The following FGD6 variants were observed in gnomAD, a reference collection of about 807,000 sequenced individuals.
The protein encoded by FGD6 is FYVE, RhoGEF and PH domain containing 6, also known as FYVE, RhoGEF and PH domain-containing protein 6.
FGD6 carries 90 observed loss-of-function variants against 149.4 expected under a neutral mutation model. That is an observed-to-expected ratio of 0.60 (90% confidence interval 0.51 to 0.72). The LOEUF (loss-of-function observed/expected upper bound fraction) is 0.72. Among genes scored for constraint, FGD6 ranks in the 30% least tolerant of loss-of-function variants. The probability of loss-of-function intolerance (pLI) is 0.00; values close to 1 mark genes in which losing one functional copy is unlikely to be tolerated. For missense variants in FGD6, 1,437 were observed against 1,684.8 expected (o/e 0.85, Z 2.57); for synonymous variants, 527 against 584.0 (o/e 0.90, Z 1.41).
chr12:95,200,946 C>T (rs995895258), intron 2 of FGD6, among the ~76,000 whole-genome samples: 5 of 151,426 alleles, frequency 3.3e-5, no homozygotes, highest in Non-Finnish European at 2.9e-5. Flanking sequence ...TGCTATAACA[C>T]GAACTGTTCT....
chr12:95,094,575 AAAG>A lies in FGD6; in HGVS notation c.3600+14_3600+16del. 3 of 1,557,280 alleles carry A rather than the reference AAAG, an allele frequency of 1.9e-6. No homozygotes were observed. Among genetic ancestry groups the A allele is most frequent in the Admixed American group, 2.0e-5 (1 of 49,836 alleles). On this transcript the variant is annotated intron_variant, in intron 15 of 20. Transcript: ENST00000343958. The stretch of plus-strand genomic sequence containing the variant: ...TTGAAATGCACTGGAAAAAAAAAAA[AAAG>A]GAGAAAACAATACCTCATCAAGACT...
intron 5 of FGD6, among the ~76,000 whole-genome samples, chr12:95,143,991 C>A (rs1879933666): frequency 6.6e-6 from 1 of 152,160 alleles, no homozygotes; most frequent in South Asian, 2.1e-4. Flanking sequence ...ATTTCCTCTG[C>A]CATGACAGTG....
intron 2 of FGD6, among the ~76,000 whole-genome samples, chr12:95,205,118 A>G (rs1176547844): frequency 1.3e-5 from 2 of 152,020 alleles, no homozygotes; most frequent in East Asian, 3.9e-4. Flanking sequence ...AAATACAAAA[A>G]TTAGATGGGT....
intron 17 of FGD6, among the ~76,000 whole-genome samples, chr12:95,091,135 G>A (rs934013426): frequency 2.0e-5 from 3 of 152,116 alleles, no homozygotes; most frequent in Non-Finnish European, 4.4e-5. Flanking sequence ...CAGGTTTCAG[G>A]AATTTAACTA....
chr12:95,216,108 A>G (rs574261845), intron 1 of FGD6, among the ~76,000 whole-genome samples: 10 of 152,362 alleles, frequency 6.6e-5, no homozygotes, highest in African/African-American at 2.2e-4. Context: ...TTCTTTTCCT[A>G]TTGGCTAACT....
At chr12:95,118,465 T>C (rs1198636079) in intron 8 of FGD6, among the ~76,000 whole-genome samples, 4 of 152,136 alleles carry the variant, frequency 2.6e-5, no homozygotes, top group East Asian at 1.9e-4. Flanking sequence ...CCACCACTCA[T>C]TGATTACCTA....
chr12:95,089,580 C>T lies in FGD6; in HGVS notation c.3967G>A (p.Ala1323Thr). The change falls in exon 18 of 21, where the codon GCT becomes ACT. Residue 1323 changes from alanine to threonine, a missense_variant. Ala to Thr is a moderately conservative substitution (Grantham distance 58). Around this residue, in one of 2 missense-constraint regions of FGD6, gnomAD observed 382 missense variants for 538.7 expected, o/e 0.71. Transcript: ENST00000343958. ...ATGGAAACACTTACTTCTTTGAGAG[C>T]AGCTGGGATTTTTTTCTGTTTCCTC... The part of the protein sequence containing the change: ...SGRKQKKIPA[A>T]LKEVSANTED... The T allele has an allele frequency of 6.2e-7, 1 of 1,613,468 alleles. No homozygotes were observed. Among genetic ancestry groups the T allele is most frequent in the Non-Finnish European group, 8.5e-7 (1 of 1,179,646 alleles).
In FGD6 at chr12:95,134,835, A is replaced by G. The variant is rs749804126; in HGVS notation, c.2995-9T>C. On this transcript the variant is annotated splice_polypyrimidine_tract_variant and intron_variant, in intron 7 of 20. Transcript: ENST00000343958. The stretch of plus-strand genomic sequence containing the variant: ...GCACAGCGAGGGCTCATCTGAAAGG[A>G]GAAGGCATCTAAATTAACACAGTGT... The G allele has an allele frequency of 1.2e-6, 2 of 1,608,012 alleles. No homozygotes were observed. Among genetic ancestry groups the G allele is most frequent in the East Asian group, 4.5e-5 (2 of 44,762 alleles).
intron 5 of FGD6, among the ~76,000 whole-genome samples, chr12:95,149,869 TAA>T (rs1880245048): frequency 6.8e-6 from 1 of 146,656 alleles, no homozygotes; most frequent in Admixed American, 7.0e-5. Context: ...GTATAATATA[TAA>T]TAGATTGCTA....
At chr12:95,202,908 G>A (rs1276178611) in intron 2 of FGD6, among the ~76,000 whole-genome samples, 1 of 152,136 alleles carries the variant, frequency 6.6e-6, no homozygotes, top group Non-Finnish European at 1.5e-5. Flanking sequence ...TTACAGGAAA[G>A]GGCTGCTGTT....
chr12:95,120,743 T>C lies in FGD6; in HGVS notation c.3083-7042A>G, dbSNP rs117560759. Among the ~76,000 whole-genome samples, 106 of 152,208 alleles carry C rather than the reference T, an allele frequency of 7.0e-4. 2 individuals carry two copies. The East Asian group carries it at 0.017, about 24-fold the overall frequency. ...ATTATTTTTGGGTGCTTGATACATA[T>C]CACAAAAAACCTTTCCTAAAGGGAT... On this transcript the variant is annotated intron_variant, in intron 8 of 20. Transcript: ENST00000343958.
At chr12:95,144,622 C>A (rs1327440731) in intron 5 of FGD6, among the ~76,000 whole-genome samples, 1 of 151,884 alleles carries the variant, frequency 6.6e-6, no homozygotes, top group Non-Finnish European at 1.5e-5. Flanking sequence ...GAACTCCCAA[C>A]CTCAGGTGAT....
intron 8 of FGD6, among the ~76,000 whole-genome samples, chr12:95,124,387 T>G (rs1162172889): frequency 6.6e-6 from 1 of 152,182 alleles, no homozygotes; most frequent in East Asian, 1.9e-4. Flanking sequence ...TTTAGGGACA[T>G]AAGCACATTT....
chr12:95,157,076 T>C (rs1245850987), intron 3 of FGD6, among the ~76,000 whole-genome samples: 1 of 152,208 alleles, frequency 6.6e-6, no homozygotes, highest in Non-Finnish European at 1.5e-5. Flanking sequence ...ATTTAACAAA[T>C]CCAAACATTC....
At position 95,153,622 on chromosome 12, in the gene FGD6, T is replaced by C. The variant is rs1457716696; in HGVS notation, c.2587-629A>G. Among the ~76,000 whole-genome samples, 3 of 152,050 alleles carry C rather than the reference T, an allele frequency of 2.0e-5. No homozygotes were observed. The East Asian group carries it at 5.8e-4, about 29-fold the overall frequency. ...GTTGCAGTGAGCCGAGATCGCGCCA[T>C]TGCACTATAGCCTGGGCAACAAGGG... is the stretch of plus-strand genomic sequence containing the variant. On this transcript the variant is annotated intron_variant, in intron 3 of 20. Coordinates refer to ENST00000343958, the MANE Select transcript of FGD6 (RefSeq NM_018351.4).
chr12:95,170,846 A>C (rs1362397556), intron 3 of FGD6, among the ~76,000 whole-genome samples: 1 of 152,234 alleles, frequency 6.6e-6, no homozygotes, highest in Non-Finnish European at 1.5e-5. Context: ...CTTGATAGTC[A>C]AAGTAAAATC....
intron 5 of FGD6, among the ~76,000 whole-genome samples, chr12:95,146,970 G>T (rs1198970487): frequency 6.6e-6 from 1 of 152,174 alleles, no homozygotes; most frequent in African/African-American, 2.4e-5. Context: ...TATATCTCCA[G>T]CACCAATGAG....
chr12:95,137,808 T>C, intron 6 of FGD6, 130 bp from the exon 7 acceptor site: 1 of 581,874 alleles, frequency 1.7e-6, no homozygotes, highest in East Asian at 3.4e-5. Flanking sequence ...TACCTCAAAA[T>C]GCCTACTTTT....
intron 3 of FGD6, among the ~76,000 whole-genome samples, chr12:95,163,581 TA>T (rs1880709614): frequency 6.6e-6 from 1 of 152,250 alleles, no homozygotes; most frequent in African/African-American, 2.4e-5. Flanking sequence ...AGCAAATGTG[TA>T]TAAGGATGGC....
Sources: gnomAD v4.1 joint callset for allele counts (sites outside exome capture counted in the v4.1 genomes callset) on GRCh38, gnomAD v4.1.1 for gene constraint, gnomAD v4.1.1 regional missense constraint, MANE v1.5 for transcripts, NCBI Gene and HGNC (gene_info 2026-07-23, HGNC 2026-07-21) for gene names.